The following APBB1 variants were observed in gnomAD, a reference collection of about 807,000 sequenced individuals.
The protein encoded by APBB1 is amyloid beta precursor protein binding family B member 1.
A neutral mutation model predicts 78.4 loss-of-function variants in APBB1; 22 were observed. The ratio of observed to expected loss-of-function variants is 0.28; its 90% CI spans 0.20 to 0.40. The LOEUF is 0.40. Ranked by LOEUF, APBB1 falls within the 10% of genes least tolerant of loss-of-function variation. The probability of loss-of-function intolerance (pLI) is 1.00; values close to 1 mark genes in which losing one functional copy is unlikely to be tolerated. For missense variants in APBB1, 749 were observed against 932.4 expected (o/e 0.80, Z 2.56); for synonymous variants, 369 against 372.7 (o/e 0.99, Z 0.12).
Position 6,396,227 on chromosome 11 carries a change from G to A in APBB1, c.1673-12C>T, listed in dbSNP as rs773047860. 2.6e-6 allele frequency: 4 copies of A among 1,547,458 alleles called. No homozygotes were observed. The South Asian group carries it at 4.8e-5, about 18-fold the overall frequency. ...AATCACATCTACCCCTAGAACATAT[G>A]GACACAAGATACCACTGAGGGTAGA... On this transcript the variant is annotated splice_polypyrimidine_tract_variant and intron_variant, in intron 12 of 14. Coordinates refer to ENST00000609360, the MANE Select transcript of APBB1 (RefSeq NM_001164.5).
At position 6,403,477 on chromosome 11, in the gene APBB1, C is replaced by G. The variant is rs1299300507; in HGVS notation, c.954+11G>C. On this transcript the variant is annotated intron_variant, in intron 4 of 14. Coordinates refer to ENST00000609360, the MANE Select transcript of APBB1 (RefSeq NM_001164.5). This position sits in a 1 kb window ranked among gnomAD's most constrained non-coding sequence, Gnocchi z 5.3. ...CAGCTATCCCGTGGTAAAGCAGGTC[C>G]CCTTACCCACCTTCCAAAATTCTCC... is the stretch of plus-strand genomic sequence containing the variant. 2.5e-6 allele frequency: 4 copies of G among 1,614,038 alleles called. No individual in the cohort carries two copies. Among genetic ancestry groups the G allele is most frequent in the Non-Finnish European group, 3.4e-6 (4 of 1,180,012 alleles).
chr11:6,419,113 C>A (rs1202876193), upstream of APBB1: 2 of 372,718 alleles, frequency 5.4e-6, no homozygotes, highest in Non-Finnish European at 9.5e-6. Flanking sequence ...GCGCCCCGAG[C>A]GGCGGAGGCG....
Position 6,397,343 on chromosome 11 carries a change from G to C in APBB1, c.1673-1128C>G, listed in dbSNP as rs143883873. Among the ~76,000 whole-genome samples the C allele has an allele frequency of 2.0e-4, 30 of 152,328 alleles. No individual in the cohort carries two copies. In the East Asian group the frequency reaches 5.8e-3, roughly 29 times the overall value. ...TCATCTGACTTCTAGCTGGATCAAG[G>C]CCAAACTGCTCCCAAAAGCATACAA... On this transcript the variant is annotated intron_variant, in intron 12 of 14. Transcript: ENST00000609360.
intron 12 of APBB1, among the ~76,000 whole-genome samples, chr11:6,397,601 A>G (rs1020714657): frequency 6.6e-6 from 1 of 152,216 alleles, no homozygotes; most frequent in African/African-American, 2.4e-5. Flanking sequence ...GAAACTTCAG[A>G]CTGTCATCCT....
At chr11:6,400,917 TG>T in intron 12 of APBB1, 71 bp downstream of exon 12, 1 of 1,394,892 alleles carries the variant, frequency 7.2e-7, no homozygotes, top group Non-Finnish European at 1.0e-6. Flanking sequence ...GAAGAAGTAT[TG>T]GAAGGCAGAG....
chr11:6,414,592 G>A (rs928776241), intron 1 of APBB1, among the ~76,000 whole-genome samples: 23 of 152,162 alleles, frequency 1.5e-4, no homozygotes, highest in Admixed American at 1.4e-3. Context: ...CCAATGGGCT[G>A]GGGAGGAGCA....
rs200475671 is a variant in APBB1 at position 6,395,763 on chromosome 11, A to G, written c.1965+23T>C. The G allele has an allele frequency of 5.6e-4, 905 of 1,606,920 alleles. 1 individual carries two copies. In the African/African-American group the frequency reaches 0.011, roughly 20 times the overall value. On this transcript the variant is annotated intron_variant, in intron 14 of 14. Coordinates refer to ENST00000609360, the MANE Select transcript of APBB1 (RefSeq NM_001164.5). This position sits in a 1 kb window ranked among gnomAD's most constrained non-coding sequence, Gnocchi z 5.2. ...CCTCCCATGGGGCCACGCCACCACC[A>G]CACCACCCTACTAGTAGCTTACCAT...
intron 2 of APBB1, 65 bp downstream of exon 2, chr11:6,410,562 G>GT (rs2134099360): frequency 7.0e-7 from 1 of 1,420,380 alleles, no homozygotes. Flanking sequence ...ACTGGCCTCT[G>GT]TATGAGAGTC....
intron 2 of APBB1, 195 bp from the exon 3 acceptor site, chr11:6,404,017 C>T (rs1848673613): frequency 1.9e-6 from 1 of 520,980 alleles, no homozygotes; most frequent in East Asian, 3.1e-5. Context: ...GGACATGGCT[C>T]AGGTCTCCTC....
intron 2 of APBB1, among the ~76,000 whole-genome samples, chr11:6,407,777 T>C (rs918789817): frequency 1.4e-4 from 21 of 150,978 alleles, no homozygotes; most frequent in African/African-American, 5.1e-4. Flanking sequence ...AGAAGTATTT[T>C]TTTTTTTTTT....
chr11:6,403,940 C>G lies in APBB1; in HGVS notation c.722-118G>C. The G allele has an allele frequency of 9.1e-7, 1 of 1,103,118 alleles. No individual in the cohort carries two copies. The highest frequency in any genetic ancestry group is 2.6e-5 in the East Asian group (1 of 38,534). 68.3% of individuals were successfully genotyped at this position (1,103,118 alleles called of 1,614,324 possible). On this transcript the variant is annotated intron_variant, in intron 2 of 14. Transcript: ENST00000609360. The surrounding 1 kb of genome is among the most constrained non-coding windows in gnomAD (Gnocchi z 5.3). ...AAGGGGTGGTGGAAGAGCTATACCA[C>G]AACACAGTTCCTGCTTCTGCCTAGA...
rs762101784 is a variant in APBB1 at position 6,403,825 on chromosome 11, G to A, written c.722-3C>T. On this transcript the variant is annotated splice_region_variant and splice_polypyrimidine_tract_variant and intron_variant, in intron 2 of 14. Coordinates refer to ENST00000609360, the MANE Select transcript of APBB1 (RefSeq NM_001164.5). This position sits in a 1 kb window ranked among gnomAD's most constrained non-coding sequence, Gnocchi z 5.3. ...GGCGTTGGGGTTCCAGAAGGAATCT[G>A]CCAGGTGGGAGGCTTGGTGAGGGTC... The A allele has an allele frequency of 4.5e-6, 7 of 1,539,070 alleles. No individual in the cohort carries two copies. The highest frequency in any genetic ancestry group is 6.1e-6 in the Non-Finnish European group (7 of 1,141,376).
chr11:6,401,877 G>A lies in APBB1; in HGVS notation c.1388+100C>T. 6 of 1,506,618 alleles carry A rather than the reference G, an allele frequency of 4.0e-6. No homozygotes were observed. Among genetic ancestry groups the A allele is most frequent in the Non-Finnish European group, 5.4e-6 (6 of 1,110,512 alleles). The allele number at this position is 1,506,618 out of a possible 1,614,324, so 93.3% of individuals were successfully genotyped here. A position where few individuals can be genotyped will look rare whatever the true frequency, so the allele number is the denominator to read the frequency against. On this transcript the variant is annotated intron_variant, in intron 9 of 14. Transcript: ENST00000609360. The surrounding 1 kb of genome is among the most constrained non-coding windows in gnomAD (Gnocchi z 4.5). ...AAGCATGCTGAGGTGGAGGGTAATG[G>A]TGGAGCATAGCGGGTGGGAAGGGGC...
At chr11:6,400,036 C>T (rs1209181477) in intron 12 of APBB1, among the ~76,000 whole-genome samples, 2 of 152,168 alleles carry the variant, frequency 1.3e-5, no homozygotes, top group East Asian at 1.9e-4. Context: ...TTTCTCTCAA[C>T]GAATAACTCA....
intron 2 of APBB1, chr11:6,405,729 G>T: frequency 1.0e-6 from 1 of 966,700 alleles, no homozygotes; most frequent in Non-Finnish European, 1.2e-6. Context: ...AGCCATCACC[G>T]CCTCTCCTCA....
chr11:6,405,678 C>A (rs1462070344), intron 2 of APBB1: 2 of 985,712 alleles, frequency 2.0e-6, no homozygotes, highest in African/African-American at 3.5e-5. Flanking sequence ...GGCCCACAGA[C>A]ACCCAAAGAG....
At chr11:6,417,088 T>A (rs1233789395) in intron 1 of APBB1, among the ~76,000 whole-genome samples, 1 of 152,260 alleles carries the variant, frequency 6.6e-6, no homozygotes, top group Non-Finnish European at 1.5e-5. Context: ...CTGCTCAGTC[T>A]GGCGCCTGCC....
At chr11:6,397,755 G>T (rs1848306512) in intron 12 of APBB1, among the ~76,000 whole-genome samples, 1 of 152,224 alleles carries the variant, frequency 6.6e-6, no homozygotes, top group South Asian at 2.1e-4. Flanking sequence ...CTCAAGAACA[G>T]AAATGGAATT....
intron 7 of APBB1, 178 bp from the exon 8 acceptor site, chr11:6,402,387 A>G: frequency 8.9e-7 from 1 of 1,120,726 alleles, no homozygotes; most frequent in South Asian, 1.5e-5. Flanking sequence ...CATTGACTCC[A>G]CCGTTGTTAG....
Sources: allele counts gnomAD v4.1 joint callset (sites outside exome capture counted in the v4.1 genomes callset), GRCh38; gene constraint gnomAD v4.1.1; non-coding constraint Gnocchi (gnomAD v3.1); transcripts MANE v1.5; gene names NCBI Gene and HGNC (gene_info 2026-07-23, HGNC 2026-07-21).